The following LMO7 variants were observed in gnomAD, a reference collection of about 807,000 sequenced individuals.
LMO7 encodes LIM domain 7.
Under a neutral mutation model 206.5 loss-of-function variants are expected in LMO7, and 120 were observed. That is an observed-to-expected ratio of 0.58 (90% CI 0.50 to 0.68). The LOEUF is 0.68. Among genes scored for constraint, LMO7 ranks in the 30% least tolerant of loss-of-function variants. The pLI is 0.00. For missense variants in LMO7, 1,959 were observed against 1,957.9 expected (o/e 1.00, Z -0.01); for synonymous variants, 706 against 681.5 (o/e 1.04, Z -0.56).
chr13:75,667,150 A>T (rs141200136), intron 1 of LMO7, among the ~76,000 whole-genome samples: 1 of 151,990 alleles, frequency 6.6e-6, no homozygotes, highest in Non-Finnish European at 1.5e-5. Context: ...AAATCAATGT[A>T]CTCTGGTATG....
chr13:75,671,687 G>A (rs1046636118), intron 1 of LMO7, among the ~76,000 whole-genome samples: 1 of 152,072 alleles, frequency 6.6e-6, no homozygotes, highest in Non-Finnish European at 1.5e-5. Flanking sequence ...CAACATTCAC[G>A]TCTTACAATA....
At chr13:75,790,983 C>CTT (rs33998419) in intron 4 of LMO7, among the ~76,000 whole-genome samples, 47 of 145,904 alleles carry the variant, frequency 3.2e-4, no homozygotes, top group East Asian at 1.6e-3. Flanking sequence ...ATATCTACCC[C>CTT]TTTTTTTTTT....
At chr13:75,656,823 G>A (rs761094903) in intron 1 of LMO7, among the ~76,000 whole-genome samples, 8 of 152,148 alleles carry the variant, frequency 5.3e-5, no homozygotes, top group Non-Finnish European at 1.2e-4. Flanking sequence ...GACTTCTGGA[G>A]CCTCCTTTTC....
At chr13:75,831,981 A>G (rs541188041) in intron 15 of LMO7, among the ~76,000 whole-genome samples, 2 of 152,242 alleles carry the variant, frequency 1.3e-5, no homozygotes, top group East Asian at 3.9e-4. Context: ...TGAAGTGCCC[A>G]ATTAGTTCCT....
intron 1 of LMO7, among the ~76,000 whole-genome samples, chr13:75,650,330 A>G (rs370643632): frequency 3.8e-4 from 57 of 150,834 alleles, no homozygotes; most frequent in Middle Eastern, 7.1e-3. Flanking sequence ...GGGTTTCACC[A>G]TGTTGGCCAG....
intron 1 of LMO7, among the ~76,000 whole-genome samples, chr13:75,650,723 T>C (rs984965752): frequency 1.3e-5 from 2 of 152,354 alleles, no homozygotes; most frequent in African/African-American, 2.4e-5. Context: ...TTCAAATAAA[T>C]TGATTTTTTT....
intron 2 of LMO7, among the ~76,000 whole-genome samples, chr13:75,726,021 G>A (rs1370884438): frequency 2.7e-5 from 4 of 150,586 alleles, no homozygotes; most frequent in Admixed American, 2.6e-4. Context: ...ATTGTGCTAA[G>A]GAGACCAGTA....
intron 3 of LMO7, among the ~76,000 whole-genome samples, chr13:75,728,023 C>G (rs1024587132): frequency 6.6e-6 from 1 of 151,942 alleles, no homozygotes; most frequent in African/African-American, 2.4e-5. Context: ...TCCAGTCTAT[C>G]ATTGTTGGAC....
In LMO7 at chr13:75,834,311, A is replaced by G; in HGVS notation, c.3150A>G (p.Lys1050=). The G allele has an allele frequency of 6.2e-7, 1 of 1,611,902 alleles. No homozygotes were observed. The highest frequency in any genetic ancestry group is 8.5e-7 in the Non-Finnish European group (1 of 1,178,868). Reference sequence around the variant, plus strand: ...CCAAGTTTTCATATAACGATTCAAAAGAGTGGGAGGAAGCCATGGCTAAGG... The same window carrying G: ...CCAAGTTTTCATATAACGATTCAAAGGAGTGGGAGGAAGCCATGGCTAAGG... ...NNTKFSYNDS[K]EWEEAMAKAQ... Residue 1050 remains lysine (K), a synonymous_variant, in exon 17 of 31, where the codon AAA becomes AAG. Coordinates refer to ENST00000377534, the MANE Select transcript of LMO7 (RefSeq NM_001306080.2).
chr13:75,657,006 A>G (rs1435707525), intron 1 of LMO7, among the ~76,000 whole-genome samples: 5 of 152,350 alleles, frequency 3.3e-5, no homozygotes, highest in Non-Finnish European at 7.3e-5. Flanking sequence ...CGAGATTGTT[A>G]GGGTCGGCCA....
chr13:75,787,528 T>C (rs1346293155), intron 4 of LMO7, among the ~76,000 whole-genome samples: 4 of 152,250 alleles, frequency 2.6e-5, no homozygotes, highest in Admixed American at 1.3e-4. Context: ...TATTCACTTA[T>C]CAAGATTGGA....
chr13:75,656,834 C>A lies in LMO7; in HGVS notation c.69+20108C>A, dbSNP rs1444836530. On this transcript the variant is annotated intron_variant, in intron 1 of 30. Transcript: ENST00000377534. ...ATTAGACTTCTGGAGCCTCCTTTTC[C>A]CTTCCCTTGTTGAGTCATCAGGCCT... Among the ~76,000 whole-genome samples, 3 of 152,148 alleles carry A rather than the reference C, an allele frequency of 2.0e-5. No homozygotes were observed. In the East Asian group the frequency reaches 5.8e-4, roughly 29 times the overall value.
intron 15 of LMO7, among the ~76,000 whole-genome samples, chr13:75,824,178 A>G (rs888326691): frequency 6.6e-6 from 1 of 152,108 alleles, no homozygotes; most frequent in Non-Finnish European, 1.5e-5. Context: ...TGCTAGTGCT[A>G]TAGTCCCAGG....
chr13:75,674,541 A>G (rs2039854098), intron 1 of LMO7, among the ~76,000 whole-genome samples: 1 of 152,224 alleles, frequency 6.6e-6, no homozygotes, highest in African/African-American at 2.4e-5. Flanking sequence ...AAGTAAAAAC[A>G]CTTGTGAAAA....
chr13:75,766,383 C>A (rs144826141), intron 4 of LMO7, among the ~76,000 whole-genome samples: 5 of 151,928 alleles, frequency 3.3e-5, no homozygotes, highest in Non-Finnish European at 7.4e-5. Flanking sequence ...ATGCTTAAAT[C>A]TATTTCTGGA....
chr13:75,809,385 T>G (rs1170303007), intron 11 of LMO7, among the ~76,000 whole-genome samples: 2 of 152,160 alleles, frequency 1.3e-5, no homozygotes, highest in Non-Finnish European at 1.5e-5. Flanking sequence ...ATTATTTGTT[T>G]TATTAAAAAT....
rs1016003286 is a variant in LMO7 at position 75,839,412 on chromosome 13, T to C, written c.3452-673T>C. Among the ~76,000 whole-genome samples the C allele has an allele frequency of 2.0e-5, 3 of 152,218 alleles. No individual in the cohort carries two copies. In the East Asian group the frequency reaches 5.8e-4, roughly 29 times the overall value. ...GTTTCAAGAACATTTAAAAGTACTG[T>C]ATGATAGTGTATTTTCTGAAGTTTT... On this transcript the variant is annotated intron_variant, in intron 20 of 30. Transcript: ENST00000377534.
intron 2 of LMO7, among the ~76,000 whole-genome samples, chr13:75,715,534 C>T (rs922524501): frequency 6.6e-6 from 1 of 152,134 alleles, no homozygotes; most frequent in African/African-American, 2.4e-5. Context: ...ATTAATGTTT[C>T]CCAAAAGTAG....
chr13:75,722,934 A>G (rs1468221323), intron 2 of LMO7, among the ~76,000 whole-genome samples: 1 of 152,056 alleles, frequency 6.6e-6, no homozygotes, highest in Non-Finnish European at 1.5e-5. Context: ...ACCAAATATT[A>G]TATGTTCTCA....
Sources: gnomAD v4.1 joint callset for allele counts (sites outside exome capture counted in the v4.1 genomes callset) on GRCh38, gnomAD v4.1.1 for gene constraint, MANE v1.5 for transcripts, NCBI Gene and HGNC (gene_info 2026-07-23, HGNC 2026-07-21) for gene names.